NGEF: variants seen among roughly 807,000 people sequenced by gnomAD.
NGEF encodes neuronal guanine nucleotide exchange factor.
In NGEF, 31 loss-of-function variants were observed where a neutral mutation model predicts 80.9. The observed-to-expected ratio is 0.38, with a 90% CI of 0.29 to 0.52. NGEF has a LOEUF of 0.52. NGEF is among the 20% of genes least tolerant of loss of function. The pLI is 0.84. For missense variants in NGEF, 709 were observed against 926.2 expected (o/e 0.77, Z 3.04); for synonymous variants, 371 against 370.2 (o/e 1.00, Z -0.03).
At chr2:232,917,125 G>A (rs1021535786) in intron 5 of NGEF, among the ~76,000 whole-genome samples, 1 of 152,240 alleles carries the variant, frequency 6.6e-6, no homozygotes, top group Non-Finnish European at 1.5e-5. Context: ...TGGAAAGGGA[G>A]TTGTTTTTAT....
chr2:232,906,556 T>C (rs1485753045), intron 5 of NGEF, among the ~76,000 whole-genome samples: 2 of 51,270 alleles, frequency 3.9e-5, no homozygotes, highest in Non-Finnish European at 8.0e-5. Flanking sequence ...AGCCGCCCCG[T>C]CCGGGAGGTG....
chr2:233,010,635 C>T (rs535875172), intron 1 of NGEF, among the ~76,000 whole-genome samples: 128 of 152,240 alleles, frequency 8.4e-4, no homozygotes, highest in Non-Finnish European at 1.4e-3. Context: ...GTGAGATGGC[C>T]TCACCCAGGC....
At chr2:232,942,795 A>G (rs1693464088) in intron 3 of NGEF, among the ~76,000 whole-genome samples, 1 of 150,176 alleles carries the variant, frequency 6.7e-6, no homozygotes, top group African/African-American at 2.4e-5. Flanking sequence ...TCCGTCTCAA[A>G]AAAAAAAAAA....
Position 232,930,131 on chromosome 2 carries a change from C to T in NGEF, c.384-2945G>A, listed in dbSNP as rs138046525. Among the ~76,000 whole-genome samples the T allele has an allele frequency of 8.4e-3, 1,277 of 152,200 alleles. 30 individuals are homozygous for T. The highest frequency in any genetic ancestry group is 0.05 in the Admixed American group (769 of 15,284). On this transcript the variant is annotated intron_variant, in intron 3 of 14. Transcript: ENST00000264051. ...TCAGCCGCGTGAGAGCGGAGTAATA[C>T]AGGGTGTCATCAGAACCCAGTGTAA...
intron 1 of NGEF, among the ~76,000 whole-genome samples, chr2:233,001,592 T>A (rs1213096009): frequency 6.6e-6 from 1 of 152,014 alleles, no homozygotes; most frequent in Non-Finnish European, 1.5e-5. Context: ...GATGAGGTCG[T>A]GCGGGCCATG....
At chr2:232,951,659 A>C (rs534591772) in intron 3 of NGEF, among the ~76,000 whole-genome samples, 1 of 152,278 alleles carries the variant, frequency 6.6e-6, no homozygotes, top group East Asian at 1.9e-4. Flanking sequence ...GCTTGGCTGC[A>C]CCTAGGAACC....
intron 9 of NGEF, 173 bp from the exon 10 acceptor site, chr2:232,885,542 T>C (rs1691650841): frequency 3.3e-6 from 2 of 600,212 alleles, no homozygotes; most frequent in East Asian, 5.6e-5. Flanking sequence ...TTCTAGCACC[T>C]TGTGGGGCAA....
chr2:232,947,438 A>G (rs1693582490), intron 3 of NGEF, among the ~76,000 whole-genome samples: 1 of 151,970 alleles, frequency 6.6e-6, no homozygotes, highest in Non-Finnish European at 1.5e-5. Context: ...GGACCTGCAA[A>G]CTCTACCTGT....
chr2:232,894,151 T>G (rs896748984), intron 6 of NGEF, among the ~76,000 whole-genome samples: 1 of 152,156 alleles, frequency 6.6e-6, no homozygotes, highest in Non-Finnish European at 1.5e-5. Context: ...GGCCACATGA[T>G]TTGGTTCCTT....
At position 232,992,312 on chromosome 2, in the gene NGEF, C is replaced by T. The variant is rs144241990; in HGVS notation, c.-74-17348G>A. 5.5e-3 allele frequency among the ~76,000 whole-genome samples: 838 copies of T among 152,048 alleles called. 8 individuals are homozygous for T. Among genetic ancestry groups the T allele is most frequent in the African/African-American group, 0.019 (797 of 41,468 alleles). ...GTAGCTCATGCCTGTAATCTCAGCA[C>T]TTTGGGGGGCCGAGGCTGATGTATC... On this transcript the variant is annotated intron_variant, in intron 1 of 14. Transcript: ENST00000264051.
chr2:232,890,274 G>C (rs11898614), intron 8 of NGEF, among the ~76,000 whole-genome samples: 3,717 of 151,668 alleles, frequency 0.025, 191 homozygotes, highest in African/African-American at 0.086. Context: ...GGGGGTCTTG[G>C]GCCTGCCTCT....
intron 5 of NGEF, among the ~76,000 whole-genome samples, chr2:232,897,095 G>T (rs1214305773): frequency 7.1e-6 from 1 of 141,828 alleles, no homozygotes; most frequent in Non-Finnish European, 1.5e-5. Flanking sequence ...GGTTGGGATG[G>T]GGTGGGGGAA....
rs988760226 is a variant in NGEF, at chr2:232,944,726, A to AACATATATATATATATAT, written c.384-17541_384-17540insATATATATATATATATGT. ...TGGGCTAGGGGATAAGACTTTTCCG[A>AACATATATATATATATAT]ATATATATATATATATATATATATA... is the stretch of plus-strand genomic sequence containing the variant. On this transcript the variant is annotated intron_variant, in intron 3 of 14. Transcript: ENST00000264051. 1.4e-4 allele frequency among the ~76,000 whole-genome samples: 15 copies of AACATATATATATATATAT among 108,744 alleles called. No individual in the cohort carries two copies. The Admixed American group carries it at 1.4e-3, about 10-fold the overall frequency. The allele number at this position is 108,744 out of a possible 152,430, so 71.3% of individuals were successfully genotyped here.
Position 232,885,334 on chromosome 2 carries a change from C to T in NGEF, c.1383G>A (p.Met461Ile). Residue 461 changes from methionine (M) to isoleucine (I), a missense_variant, in exon 10 of 15, where the codon ATG (methionine) becomes ATA (isoleucine). Met to Ile is a conservative substitution (Grantham distance 10). Around this residue, in one of 2 missense-constraint regions of NGEF, gnomAD observed 426 missense variants for 622.9 expected, o/e 0.68. Coordinates refer to ENST00000264051, the MANE Select transcript of NGEF (RefSeq NM_019850.3). ...VKACNEGVRKMSRTEQMISIQ... is the reference protein window; with the variant it reads ...VKACNEGVRKISRTEQMISIQ... ...TGCTGATCATCTGTTCCGTGCGGCT[C>T]ATTTTCCTGACGCCCTCGTTGCATG... The T allele has an allele frequency of 1.2e-6, 2 of 1,614,200 alleles. No individual in the cohort carries two copies. The highest frequency in any genetic ancestry group is 1.1e-5 in the South Asian group (1 of 91,088).
intron 5 of NGEF, among the ~76,000 whole-genome samples, chr2:232,900,482 TCA>T (rs1341100173): frequency 6.7e-5 from 7 of 104,816 alleles, no homozygotes; most frequent in Non-Finnish European, 7.8e-5. Flanking sequence ...ACACACGCTC[TCA>T]CAGTCACTCA....
At chr2:232,980,183 A>G (rs1408662391) in intron 1 of NGEF, among the ~76,000 whole-genome samples, 1 of 152,188 alleles carries the variant, frequency 6.6e-6, no homozygotes. Context: ...CTTCAGGCCC[A>G]GGAGCTGAGG....
chr2:232,880,062 C>T (rs1007967789), intron 14 of NGEF, among the ~76,000 whole-genome samples: 5 of 151,852 alleles, frequency 3.3e-5, no homozygotes, highest in Non-Finnish European at 5.9e-5. Context: ...GGTTAGCTGG[C>T]GTGGACTGTG....
intron 3 of NGEF, among the ~76,000 whole-genome samples, chr2:232,947,558 G>A (rs1235737797): frequency 6.6e-6 from 1 of 152,108 alleles, no homozygotes; most frequent in Non-Finnish European, 1.5e-5. Flanking sequence ...AGTTTTTCCT[G>A]AACTCTCACA....
intron 6 of NGEF, among the ~76,000 whole-genome samples, chr2:232,893,754 A>C (rs1018016420): frequency 6.6e-6 from 1 of 152,180 alleles, no homozygotes; most frequent in South Asian, 2.1e-4. Context: ...CAGCCTGGGC[A>C]AAAAGAGTGA....
Sources: gnomAD v4.1 joint callset for allele counts (sites outside exome capture counted in the v4.1 genomes callset) on GRCh38, gnomAD v4.1.1 for gene constraint, gnomAD v4.1.1 regional missense constraint, MANE v1.5 for transcripts, NCBI Gene and HGNC (gene_info 2026-07-23, HGNC 2026-07-21) for gene names.